The following COL15A1 variants were observed in gnomAD, a reference collection of about 807,000 sequenced individuals.
The protein encoded by COL15A1 is collagen type XV alpha 1 chain, also known as collagen alpha-1(XV) chain.
Under a neutral mutation model 165.9 loss-of-function variants are expected in COL15A1, and 111 were observed. The ratio of observed to expected loss-of-function variants is 0.67; its 90% CI spans 0.57 to 0.78. The LOEUF (loss-of-function observed/expected upper bound fraction) is 0.78, where lower values mean the gene tolerates loss of function less well. Among genes scored for constraint, COL15A1 ranks in the 30% least tolerant of loss-of-function variants. The pLI, the probability that COL15A1 is intolerant of heterozygous loss-of-function variation, is 0.00. For missense variants in COL15A1, 1,745 were observed against 1,789.7 expected (o/e 0.98, Z 0.45); for synonymous variants, 659 against 674.8 (o/e 0.98, Z 0.36).
At chr9:98,966,043 G>A (rs1837951361) in intron 2 of COL15A1, among the ~76,000 whole-genome samples, 1 of 152,176 alleles carries the variant, frequency 6.6e-6, no homozygotes. Context: ...TGCTGGTTGT[G>A]GACAAGGCCA....
At chr9:98,994,151 G>T (rs1288470445) in intron 5 of COL15A1, among the ~76,000 whole-genome samples, 3 of 149,396 alleles carry the variant, frequency 2.0e-5, no homozygotes, top group Non-Finnish European at 4.4e-5. Flanking sequence ...GAGGCACTGT[G>T]TTGGGGGGAT....
At chr9:99,050,584 G>C (rs1420073722) in intron 30 of COL15A1, among the ~76,000 whole-genome samples, 1 of 152,200 alleles carries the variant, frequency 6.6e-6, no homozygotes, top group Non-Finnish European at 1.5e-5. Context: ...AAAACCCAGT[G>C]GGGAGGGTGG....
chr9:99,030,181 C>G (rs1214697146), intron 16 of COL15A1, among the ~76,000 whole-genome samples: 2 of 152,172 alleles, frequency 1.3e-5, no homozygotes, highest in East Asian at 3.8e-4. Context: ...AATTCTAAAC[C>G]ACGATGTTGT....
chr9:99,040,408 C>T, intron 22 of COL15A1, 113 bp from the exon 23 acceptor site: 1 of 1,564,604 alleles, frequency 6.4e-7, no homozygotes, highest in East Asian at 2.2e-5. Flanking sequence ...AATCCGTCTT[C>T]CCAGCTGTGG....
In COL15A1 at chr9:99,070,651, T is replaced by G. The variant is rs1235540369; in HGVS notation, c.*765T>G. On this transcript the variant is annotated 3_prime_UTR_variant, in exon 42 of 42. Transcript: ENST00000375001. ...TTTTATGACTTCCATTTGGCAATTG[T>G]TGAATTATAACTGCGACTGAAACAA... 4 of 453,164 alleles carry G rather than the reference T, an allele frequency of 8.8e-6. No homozygotes were observed. The East Asian group carries it at 2.8e-4, about 32-fold the overall frequency. The allele number at this position is 453,164 out of a possible 1,614,324, so 28.1% of individuals were successfully genotyped here.
At chr9:99,024,780 T>G in intron 14 of COL15A1, 94 bp from the exon 15 acceptor site, 2 of 1,431,366 alleles carry the variant, frequency 1.4e-6, no homozygotes, top group Non-Finnish European at 1.9e-6. Context: ...ACATGTAGGA[T>G]TGTTGAAAGA....
intron 11 of COL15A1, 95 bp downstream of exon 11, chr9:99,016,214 C>T (rs1838933021): frequency 2.3e-5 from 33 of 1,435,080 alleles, no homozygotes; most frequent in Non-Finnish European, 3.0e-5. Context: ...CCCCAGCTTT[C>T]TCAGAGGTAG....
At chr9:99,001,857 T>A (rs1838661219) in intron 7 of COL15A1, among the ~76,000 whole-genome samples, 1 of 152,136 alleles carries the variant, frequency 6.6e-6, no homozygotes, top group South Asian at 2.1e-4. Context: ...TGGGGGCTTT[T>A]GTGGTTCCTG....
chr9:99,035,187 G>C lies in COL15A1; in HGVS notation c.2220+33G>C, dbSNP rs1185036332. 9 of 1,580,112 alleles carry C rather than the reference G, an allele frequency of 5.7e-6. No individual in the cohort carries two copies. The Admixed American group carries it at 1.3e-4, about 22-fold the overall frequency. On this transcript the variant is annotated intron_variant, in intron 18 of 41. Coordinates refer to ENST00000375001, the MANE Select transcript of COL15A1 (RefSeq NM_001855.5). ...TCCCCTTTTCTGTGGTTATAAAAAT[G>C]ATGTGTACTAAGGGCTACTAGAAAG...
rs1277944152 is a variant in COL15A1 at position 99,070,090 on chromosome 9, C to T, written c.*204C>T. On this transcript the variant is annotated 3_prime_UTR_variant, in exon 42 of 42. Coordinates refer to ENST00000375001, the MANE Select transcript of COL15A1 (RefSeq NM_001855.5). The stretch of plus-strand genomic sequence containing the variant: ...CTCAGATCAAAGACAAAATCTGATC[C>T]ATATATTGGTGCTAGATTCTGCAGG... 7.6e-6 allele frequency: 4 copies of T among 529,788 alleles called. No homozygotes were observed. The highest frequency in any genetic ancestry group is 3.6e-5 in the Admixed American group (1 of 27,622). 32.8% of individuals were successfully genotyped at this position (529,788 alleles called of 1,614,324 possible).
At chr9:99,064,632 T>G (rs1167302358) in intron 39 of COL15A1, among the ~76,000 whole-genome samples, 1 of 152,014 alleles carries the variant, frequency 6.6e-6, no homozygotes, top group Admixed American at 6.5e-5. Flanking sequence ...AGAAAGAAAC[T>G]GAGAAGCCAT....
chr9:98,954,353 T>C (rs1334530961), intron 2 of COL15A1, among the ~76,000 whole-genome samples: 3 of 152,240 alleles, frequency 2.0e-5, no homozygotes, highest in Non-Finnish European at 4.4e-5. Context: ...TTTGATGGAC[T>C]GTGTTTCAAG....
At chr9:99,032,054 T>A (rs1180044065) in intron 16 of COL15A1, among the ~76,000 whole-genome samples, 1 of 152,180 alleles carries the variant, frequency 6.6e-6, no homozygotes, top group African/African-American at 2.4e-5. Flanking sequence ...AAAGTCAGAT[T>A]CACTCTGGTT....
chr9:99,055,108 C>T lies in COL15A1; in HGVS notation c.3038C>T (p.Pro1013Leu), dbSNP rs760958395. ...DQGAQGPPGPPLDLAYLRHFL... is the reference protein window; with the variant it reads ...DQGAQGPPGPLLDLAYLRHFL... ...CGAAGCATTTCTTTTTCAGGTCCTC[C>T]ACTTGATCTAGCTTACCTGAGACAC... Residue 1013 changes from proline to leucine, a missense_variant, in exon 33 of 42, where the codon CCA becomes CTA. Physicochemically the swap from Pro to Leu is moderately conservative, Grantham distance 98 (BLOSUM62 -3). Transcript: ENST00000375001. 15 of 1,611,730 alleles carry T rather than the reference C, an allele frequency of 9.3e-6. 1 individual carries two copies. The highest frequency in any genetic ancestry group is 1.7e-4 in the Middle Eastern group (1 of 6,060).
At chr9:98,998,132 C>T (rs944570457) in intron 6 of COL15A1, among the ~76,000 whole-genome samples, 2 of 152,082 alleles carry the variant, frequency 1.3e-5, no homozygotes, top group African/African-American at 4.8e-5. Flanking sequence ...CTATGTAGAG[C>T]GATGTGTGTG....
chr9:98,989,140 G>T (rs374153140), intron 4 of COL15A1, 38 bp from the exon 5 acceptor site: 4 of 1,550,978 alleles, frequency 2.6e-6, no homozygotes, highest in Non-Finnish European at 2.7e-6. Flanking sequence ...GGCCCTGCCC[G>T]CTCTGCCCGG....
intron 2 of COL15A1, among the ~76,000 whole-genome samples, chr9:98,970,043 TA>T (rs5899366): frequency 0.44 from 61,385 of 139,462 alleles, 12,924 homozygotes; most frequent in East Asian, 0.54. Flanking sequence ...ATTAGTAGTT[TA>T]AAAAAAAAAA....
intron 9 of COL15A1, among the ~76,000 whole-genome samples, chr9:99,008,690 A>T (rs1838801206): frequency 6.6e-6 from 1 of 152,130 alleles, no homozygotes; most frequent in African/African-American, 2.4e-5. Context: ...GCTCACTGCA[A>T]CCTCTGCCTC....
intron 16 of COL15A1, among the ~76,000 whole-genome samples, chr9:99,030,183 C>T (rs902237304): frequency 1.4e-4 from 21 of 152,188 alleles, no homozygotes; most frequent in East Asian, 3.8e-4. Flanking sequence ...TTCTAAACCA[C>T]GATGTTGTAA....
Sources: allele counts gnomAD v4.1 joint callset (sites outside exome capture counted in the v4.1 genomes callset), GRCh38; gene constraint gnomAD v4.1.1; transcripts MANE v1.5; gene names NCBI Gene and HGNC (gene_info 2026-07-23, HGNC 2026-07-21).